Variants in IPO8 observed in about 807,000 individuals in gnomAD.
The protein encoded by IPO8 is importin-8.
In IPO8, 65 loss-of-function variants were observed where a neutral mutation model predicts 141.2. The ratio of observed to expected loss-of-function variants is 0.46; its 90% confidence interval spans 0.38 to 0.57. The LOEUF is 0.57. Ranked by LOEUF, IPO8 falls within the 20% of genes least tolerant of loss-of-function variation. The pLI is 0.00. For missense variants in IPO8, 980 were observed against 1,246.8 expected, an observed-to-expected ratio of 0.79 and a Z score of 3.22; for synonymous variants, 411 against 420.3, an observed-to-expected ratio of 0.98 and a Z score of 0.27.
chr12:30,685,914 A>C (rs1591845951), intron 2 of IPO8, among the ~76,000 whole-genome samples: 1 of 151,924 alleles, frequency 6.6e-6, no homozygotes, highest in African/African-American at 2.4e-5. Flanking sequence ...AAAAAAAAAA[A>C]AAAAAACTAA....
Position 30,669,292 on chromosome 12 carries a change from G to GAAA in IPO8, c.1045-13_1045-11dup, listed in dbSNP as rs201488715. ...CATCTTCAGAGATATTCTAAAATGA[G>GAAA]AAAAAAAAAAAAACGTAACAAATGG... is the stretch of plus-strand genomic sequence containing the variant. On this transcript the variant is annotated splice_polypyrimidine_tract_variant and intron_variant, in intron 9 of 24. Coordinates refer to ENST00000256079, the MANE Select transcript of IPO8 (RefSeq NM_006390.4). 4.4e-5 allele frequency: 40 copies of GAAA among 899,192 alleles called. No homozygotes were observed. Among genetic ancestry groups the GAAA allele is most frequent in the Admixed American group, 8.4e-5 (3 of 35,686 alleles). 55.7% of individuals were successfully genotyped at this position (899,192 alleles called of 1,614,324 possible).
Position 30,639,740 on chromosome 12 carries a change from A to G in IPO8, c.2269-5T>C. On this transcript the variant is annotated splice_polypyrimidine_tract_variant and splice_region_variant and intron_variant, in intron 20 of 24. Transcript: ENST00000256079. ...TTGAACGAAGAGTGGAATGCACTAG[A>G]AGACAAGCAAAAGAAAGTCAACCAC... 6.2e-7 allele frequency: 1 copy of G among 1,611,130 alleles called. No homozygotes were observed. The highest frequency in any genetic ancestry group is 1.1e-5 in the South Asian group (1 of 91,016).
In IPO8 at chr12:30,666,055, C is replaced by G; in HGVS notation, c.1221+120G>C. On this transcript the variant is annotated intron_variant, in intron 11 of 24. Transcript: ENST00000256079. ...TCACCAGGAGAGGAAAAAAAAAATC[C>G]TTAAGGTGACAAATTATAACGAATA... The G allele has an allele frequency of 1.5e-5, 11 of 734,720 alleles. 1 individual carries two copies. In the South Asian group the frequency reaches 2.5e-4, roughly 17 times the overall value. The allele number at this position is 734,720 out of a possible 1,614,324, so 45.5% of individuals were successfully genotyped here.
intron 2 of IPO8, among the ~76,000 whole-genome samples, chr12:30,689,780 T>A (rs911642270): frequency 1.9e-4 from 29 of 152,234 alleles, no homozygotes; most frequent in African/African-American, 7.0e-4. Context: ...TCCTTCTTTG[T>A]ATTCTTCTAA....
intron 5 of IPO8, among the ~76,000 whole-genome samples, chr12:30,679,268 A>G (rs1190450714): frequency 6.6e-6 from 1 of 152,276 alleles, no homozygotes; most frequent in East Asian, 1.9e-4. Flanking sequence ...TTAATGTATT[A>G]GTACATAACA....
At position 30,671,110 on chromosome 12, in the gene IPO8, G is replaced by A. The variant is rs749538467; in HGVS notation, c.910-14C>T. On this transcript the variant is annotated splice_polypyrimidine_tract_variant and intron_variant, in intron 8 of 24. Transcript: ENST00000256079. ...TTTTAGTAGCACCTATAAGAAAACA[G>A]AAAATACAGACTAACATAAACAATT... The A allele has an allele frequency of 6.5e-7, 1 of 1,531,452 alleles. No homozygotes were observed. The highest frequency in any genetic ancestry group is 1.7e-4 in the Middle Eastern group (1 of 5,842). The allele number at this position is 1,531,452 out of a possible 1,614,324, so 94.9% of individuals were successfully genotyped here. A position where few individuals can be genotyped will look rare whatever the true frequency, so the allele number is the denominator to read the frequency against.
Position 30,671,689 on chromosome 12 carries a change from A to G in IPO8, c.910-593T>C, listed in dbSNP as rs981140667. Reference sequence around the variant, plus strand: ...GACTCTGCCTCAAAAAAAAAAAAAAAAAAAAAAAAAAATTACAATAACAGA... The same window carrying G: ...GACTCTGCCTCAAAAAAAAAAAAAAGAAAAAAAAAAAATTACAATAACAGA... On this transcript the variant is annotated intron_variant, in intron 8 of 24. Coordinates refer to ENST00000256079, the MANE Select transcript of IPO8 (RefSeq NM_006390.4). Among the ~76,000 whole-genome samples the G allele has an allele frequency of 1.9e-4, 28 of 151,084 alleles. 1 individual carries two copies. Among genetic ancestry groups the G allele is most frequent in the African/African-American group, 6.1e-4 (25 of 41,320 alleles).
chr12:30,674,151 C>T (rs1565506488), intron 7 of IPO8, 77 bp from the exon 8 acceptor site: 2 of 938,242 alleles, frequency 2.1e-6, no homozygotes, highest in African/African-American at 1.6e-5. Context: ...TAAATATAGT[C>T]GCTTATTCAA....
chr12:30,671,448 C>T (rs1399300784), intron 8 of IPO8, among the ~76,000 whole-genome samples: 2 of 151,994 alleles, frequency 1.3e-5, no homozygotes, highest in South Asian at 2.1e-4. Flanking sequence ...CCGAGGCGGG[C>T]GGATCACGAG....
chr12:30,652,817 A>G (rs2052746664), intron 18 of IPO8, 150 bp downstream of exon 18: 18 of 708,918 alleles, frequency 2.5e-5, no homozygotes, highest in Non-Finnish European at 3.8e-5. Context: ...GCTGAAAAAC[A>G]CTGCTACAAT....
chr12:30,645,345 C>G (rs2052630258), intron 20 of IPO8, among the ~76,000 whole-genome samples: 1 of 150,492 alleles, frequency 6.6e-6, no homozygotes. Context: ...TGCACTCCAG[C>G]CTGGGTAACA....
At chr12:30,649,466 T>G (rs541902438) in intron 19 of IPO8, among the ~76,000 whole-genome samples, 1 of 152,282 alleles carries the variant, frequency 6.6e-6, no homozygotes, top group East Asian at 1.9e-4. Flanking sequence ...AAGTAGACTA[T>G]ATGAGCTAAT....
rs753050620 is a variant in IPO8 at position 30,634,127 on chromosome 12, T to C, written c.2855A>G (p.Asp952Gly). 6.2e-7 allele frequency: 1 copy of C among 1,614,010 alleles called. No homozygotes were observed. The highest frequency in any genetic ancestry group is 1.7e-4 in the Middle Eastern group (1 of 6,060). The change falls in exon 23 of 25, where the codon GAC becomes GGC. Residue 952 changes from aspartate to glycine, a missense_variant. Transcript: ENST00000256079. ...AAACTGATATTCATCCACACTATTG[T>C]CAAGGTCAAGTGGAGTACTGAACCC... is the stretch of plus-strand genomic sequence containing the variant. ...LEGFSTPLDLDNSVDEYQFFT... is the reference protein window; with the variant it reads ...LEGFSTPLDLGNSVDEYQFFT...
intron 2 of IPO8, 68 bp from the exon 3 acceptor site, chr12:30,684,525 C>G: frequency 6.8e-7 from 1 of 1,479,562 alleles, no homozygotes; most frequent in Non-Finnish European, 9.3e-7. Flanking sequence ...CCTTACAGAG[C>G]ATGAAAGTCC....
At chr12:30,667,303 A>G (rs1211858242) in intron 10 of IPO8, among the ~76,000 whole-genome samples, 5 of 152,204 alleles carry the variant, frequency 3.3e-5, no homozygotes, top group African/African-American at 1.2e-4. Flanking sequence ...AGAGAGGTTA[A>G]GTAACCTGTC....
chr12:30,694,831 A>C (rs895130533), intron 1 of IPO8: 1 of 352,534 alleles, frequency 2.8e-6, no homozygotes, highest in African/African-American at 2.2e-5. Flanking sequence ...AGAAGAAATA[A>C]GCTGGAGTTT....
In IPO8 at chr12:30,656,222, G is replaced by A. The variant is rs138369241; in HGVS notation, c.1948+462C>T. Among the ~76,000 whole-genome samples, 749 of 152,156 alleles carry A rather than the reference G, an allele frequency of 4.9e-3. 6 individuals carry two copies. Among genetic ancestry groups the A allele is most frequent in the African/African-American group, 0.017 (712 of 41,516 alleles). On this transcript the variant is annotated intron_variant, in intron 17 of 24. Transcript: ENST00000256079. ...CAGCTAATTTTTTTTATTTTTTGTA[G>A]AGACAGTGTTTCACCATGTTGCACT...
intron 5 of IPO8, among the ~76,000 whole-genome samples, chr12:30,678,625 A>G (rs907778272): frequency 2.0e-5 from 3 of 152,170 alleles, no homozygotes; most frequent in African/African-American, 7.2e-5. Flanking sequence ...TACATGTACA[A>G]AGGTAGGAAT....
rs1228021127 is a variant in IPO8, at chr12:30,660,259, T to C, written c.1881+882A>G. ...AACAAATAAAAGTAGTACTAGCACC[T>C]GCTTCCTAAGTGCTCACCTTGTAAA... On this transcript the variant is annotated intron_variant, in intron 16 of 24. Transcript: ENST00000256079. Among the ~76,000 whole-genome samples the C allele has an allele frequency of 2.0e-5, 3 of 152,186 alleles. 1 individual carries two copies. Among genetic ancestry groups the C allele is most frequent in the South Asian group, 4.1e-4 (2 of 4,834 alleles).
Sources: allele counts gnomAD v4.1 joint callset (sites outside exome capture counted in the v4.1 genomes callset), GRCh38; gene constraint gnomAD v4.1.1; transcripts MANE v1.5; gene names NCBI Gene and HGNC (gene_info 2026-07-23, HGNC 2026-07-21).